The following FANCE variants were observed in gnomAD, a reference collection of about 807,000 sequenced individuals.
FANCE encodes the protein Fanconi anemia group E protein.
FANCE carries 42 observed loss-of-function variants against 57.8 expected under a neutral mutation model. The observed-to-expected ratio is 0.73, with a 90% CI of 0.57 to 0.94. The LOEUF (loss-of-function observed/expected upper bound fraction) is 0.94, where lower values mean the gene tolerates loss of function less well. Among genes scored for constraint, FANCE ranks in the 40% least tolerant of loss-of-function variants. FANCE has a pLI of 0.00. For synonymous variants in FANCE, 251 were observed against 286.4 expected (o/e 0.88, Z 1.25); for missense variants, 608 against 661.8 (o/e 0.92, Z 0.89).
At chr6:35,454,758 C>T (rs570295498) in intron 1 of FANCE, among the ~76,000 whole-genome samples, 3 of 152,362 alleles carry the variant, frequency 2.0e-5, no homozygotes, top group South Asian at 4.1e-4. Flanking sequence ...CCGTCTTTCC[C>T]CTTTGGCTCT....
intron 1 of FANCE, among the ~76,000 whole-genome samples, chr6:35,454,523 G>C (rs45463092): frequency 1.3e-5 from 2 of 152,284 alleles, no homozygotes; most frequent in East Asian, 3.9e-4. Flanking sequence ...AGAGACGTGA[G>C]GGGTGGTGGG....
chr6:35,464,237 T>C (rs1219633619), intron 9 of FANCE, among the ~76,000 whole-genome samples: 2 of 87,406 alleles, frequency 2.3e-5, no homozygotes, highest in East Asian at 2.7e-4. Flanking sequence ...GGGTCTTCTT[T>C]TTTTTTTTTT....
intron 9 of FANCE, among the ~76,000 whole-genome samples, chr6:35,464,077 C>T (rs1212500760): frequency 1.3e-5 from 2 of 151,974 alleles, no homozygotes; most frequent in African/African-American, 4.8e-5. Context: ...GCAAGTAGTT[C>T]ATTGTGGATG....
At chr6:35,462,132 G>A (rs564814010) in intron 8 of FANCE, among the ~76,000 whole-genome samples, 1 of 150,778 alleles carries the variant, frequency 6.6e-6, no homozygotes, top group African/African-American at 2.5e-5. Flanking sequence ...TTTTGAGACG[G>A]AGTCTCACTC....
At position 35,467,011 on chromosome 6, in the gene FANCE, G is replaced by A. The variant is rs570550281; in HGVS notation, c.*666G>A. 9.0e-6 allele frequency: 2 copies of A among 223,112 alleles called. No individual in the cohort carries two copies. Among genetic ancestry groups the A allele is most frequent in the African/African-American group, 4.5e-5 (2 of 44,618 alleles). 13.8% of individuals were successfully genotyped at this position (223,112 alleles called of 1,614,324 possible). ...TGGGGTACCAGTGGGCTCAGATGAA[G>A]CTCTTGTGCTCATGTATATTATGAC... On this transcript the variant is annotated 3_prime_UTR_variant, in exon 10 of 10. Coordinates refer to ENST00000229769, the MANE Select transcript of FANCE (RefSeq NM_021922.3).
rs1046507001 is a variant in FANCE at position 35,465,012 on chromosome 6, G to A, written c.1510-1232G>A. On this transcript the variant is annotated intron_variant, in intron 9 of 9. Transcript: ENST00000229769. ...GCCTCCCAAAGTGCTGGGATTACAG[G>A]TGTGAGCCACCGCGCCTGGCCTGAG... 2.6e-5 allele frequency among the ~76,000 whole-genome samples: 4 copies of A among 152,202 alleles called. No homozygotes were observed. In the East Asian group the frequency reaches 7.7e-4, roughly 29 times the overall value.
intron 8 of FANCE, 82 bp downstream of exon 8, chr6:35,460,700 C>A: frequency 7.8e-7 from 1 of 1,288,798 alleles, no homozygotes; most frequent in Non-Finnish European, 1.1e-6. Context: ...GTTTCTGAGT[C>A]CTTCAGTGCA....
chr6:35,458,883 C>T (rs930764739), intron 5 of FANCE, among the ~76,000 whole-genome samples: 4 of 152,048 alleles, frequency 2.6e-5, no homozygotes, highest in African/African-American at 9.7e-5. Flanking sequence ...GGGGTTCAAG[C>T]GATTCTCCTG....
At chr6:35,454,088 G>A (rs1767224553) in intron 1 of FANCE, among the ~76,000 whole-genome samples, 6 of 150,946 alleles carry the variant, frequency 4.0e-5, no homozygotes, top group Admixed American at 4.0e-4. Context: ...TTTTTTGACG[G>A]AATCTTGCTC....
At position 35,452,618 on chromosome 6, in the gene FANCE, C is replaced by T; in HGVS notation, c.73C>T (p.Pro25Ser). The change falls in exon 1 of 10, where the codon CCC (proline) becomes TCC (serine). Residue 25 changes from proline to serine, a missense_variant. Pro to Ser is a moderately conservative substitution (Grantham distance 74). Coordinates refer to ENST00000229769, the MANE Select transcript of FANCE (RefSeq NM_021922.3). ...EPAPWAQLEAPARLLLQALQA... is the reference protein window; with the variant it reads ...EPAPWAQLEASARLLLQALQA... ...GGCGCCCTGGGCGCAGCTGGAGGCC[C>T]CCGCCCGCCTCCTGCTGCAGGCGCT... 7.8e-7 allele frequency: 1 copy of T among 1,284,272 alleles called. No individual in the cohort carries two copies. 79.6% of individuals were successfully genotyped at this position (1,284,272 alleles called of 1,614,324 possible).
Position 35,457,602 on chromosome 6 carries a change from T to G in FANCE, c.900+2T>G, listed in dbSNP as rs1581701800. The stretch of plus-strand genomic sequence containing the variant: ...CAGCTGCTGAAGACCTTGGAGGAGG[T>G]GACTGGCCCCACAGTGCTCACCATA... On this transcript the variant is annotated splice_donor_variant, in intron 3 of 9. Coordinates refer to ENST00000229769, the MANE Select transcript of FANCE (RefSeq NM_021922.3). LOFTEE classifies it high-confidence loss of function. 6.2e-7 allele frequency: 1 copy of G among 1,613,504 alleles called. No homozygotes were observed. Among genetic ancestry groups the G allele is most frequent in the Non-Finnish European group, 8.5e-7 (1 of 1,179,900 alleles).
At position 35,466,887 on chromosome 6, in the gene FANCE, A is replaced by G; in HGVS notation, c.*542A>G. ...TTTCCAAAGGCTGCTGGCCCCAGGCACACTCCTCATCAATTCTCAGGCTGC... is the reference window on the plus strand; with the variant it reads ...TTTCCAAAGGCTGCTGGCCCCAGGCGCACTCCTCATCAATTCTCAGGCTGC... On this transcript the variant is annotated 3_prime_UTR_variant, in exon 10 of 10. Transcript: ENST00000229769. 1 of 240,118 alleles carries G rather than the reference A, an allele frequency of 4.2e-6. No homozygotes were observed. Among genetic ancestry groups the G allele is most frequent in the Non-Finnish European group, 8.2e-6 (1 of 121,980 alleles). The allele number at this position is 240,118 out of a possible 1,614,324, so 14.9% of individuals were successfully genotyped here. A position where few individuals can be genotyped will look rare whatever the true frequency, so the allele number is the denominator to read the frequency against.
intron 1 of FANCE, among the ~76,000 whole-genome samples, chr6:35,454,270 T>C (rs1258964123): frequency 6.6e-6 from 1 of 152,120 alleles, no homozygotes; most frequent in African/African-American, 2.4e-5. Flanking sequence ...CCATATTGGC[T>C]GGGCTGGTCT....
In FANCE at chr6:35,452,744, C is replaced by A. The variant is rs1161408735; in HGVS notation, c.199C>A (p.Leu67Met). 3.2e-6 allele frequency: 4 copies of A among 1,266,250 alleles called. No individual in the cohort carries two copies. Among genetic ancestry groups the A allele is most frequent in the Non-Finnish European group, 3.0e-6 (3 of 1,003,826 alleles). The allele number at this position is 1,266,250 out of a possible 1,614,324, so 78.4% of individuals were successfully genotyped here. A position where few individuals can be genotyped will look rare whatever the true frequency, so the allele number is the denominator to read the frequency against. Residue 67 changes from leucine to methionine, a missense_variant, in exon 1 of 10, where the codon CTG becomes ATG. Transcript: ENST00000229769. ...CGACTGGGGTCGCTTGCTCGAGGCC[C>A]TGTGCCGGGAGGAGCCGGTCGTGCA... is the stretch of plus-strand genomic sequence containing the variant. The part of the protein sequence containing the change: ...PFDWGRLLEA[L>M]CREEPVVQGP...
intron 4 of FANCE, 34 bp from the exon 5 acceptor site, chr6:35,458,263 C>T (rs374964864): frequency 5.0e-5 from 81 of 1,611,362 alleles, no homozygotes; most frequent in African/African-American, 4.5e-4. Flanking sequence ...GTGCATGTCC[C>T]GGTGTCCTCT....
At position 35,455,908 on chromosome 6, in the gene FANCE, G is replaced by A. The variant is rs1379292307; in HGVS notation, c.410G>A (p.Gly137Glu). 2 of 1,614,164 alleles carry A rather than the reference G, an allele frequency of 1.2e-6. No individual in the cohort carries two copies. Among genetic ancestry groups the A allele is most frequent in the South Asian group, 1.1e-5 (1 of 91,082 alleles). ...CCAGATGCCTGGCTCCGTGCCCTGG[G>A]GGAATTGCTGCGAAGGGATTTGGGG... ...PDPDAWLRALGELLRRDLGVG... is the reference protein window; with the variant it reads ...PDPDAWLRALEELLRRDLGVG... The change falls in exon 2 of 10, where the codon GGG (glycine) becomes GAG (glutamate). Residue 137 changes from glycine to glutamate, a missense_variant. Physicochemically the swap from Gly to Glu is moderately conservative, Grantham distance 98. Transcript: ENST00000229769.
In FANCE at chr6:35,456,607, C is replaced by G. The variant is rs183386402; in HGVS notation, c.855+254C>G. 6.6e-6 allele frequency among the ~76,000 whole-genome samples: 1 copy of G among 152,100 alleles called. No homozygotes were observed. The highest frequency in any genetic ancestry group is 1.5e-5 in the Non-Finnish European group (1 of 68,032). ...TCAGCTCACCGCAACCTCTGCCTCC[C>G]GGGTTCAAGCGATTCTCCTGCCTCA... On this transcript the variant is annotated intron_variant, in intron 2 of 9. Coordinates refer to ENST00000229769, the MANE Select transcript of FANCE (RefSeq NM_021922.3). This position sits in a 1 kb window ranked among gnomAD's most constrained non-coding sequence, Gnocchi z 4.3.
intron 1 of FANCE, among the ~76,000 whole-genome samples, chr6:35,453,554 A>G (rs1266714498): frequency 1.3e-5 from 2 of 152,212 alleles, no homozygotes; most frequent in African/African-American, 4.8e-5. Context: ...TGAGTGGGTG[A>G]GGTGCCATGT....
intron 1 of FANCE, among the ~76,000 whole-genome samples, chr6:35,453,116 T>C (rs1767177092): frequency 6.6e-6 from 1 of 152,234 alleles, no homozygotes; most frequent in Admixed American, 6.5e-5. Flanking sequence ...TGTGTTAAAA[T>C]ACGTACATTT....
Sources: gnomAD v4.1 joint callset for allele counts (sites outside exome capture counted in the v4.1 genomes callset) on GRCh38, gnomAD v4.1.1 for gene constraint, Gnocchi (gnomAD v3.1) non-coding constraint, MANE v1.5 for transcripts, NCBI Gene and HGNC (gene_info 2026-07-23, HGNC 2026-07-21) for gene names.